The following IGLON5 variants were observed in gnomAD, a reference collection of about 807,000 sequenced individuals.
IGLON5 encodes Ig-like domain-containing protein ENSP00000270642.
In IGLON5, 16 loss-of-function variants were observed where a neutral mutation model predicts 38.2. That is an observed-to-expected ratio of 0.42 (90% CI 0.28 to 0.64). IGLON5 has a LOEUF of 0.64. Among genes scored for constraint, IGLON5 ranks in the 30% least tolerant of loss-of-function variants. IGLON5 has a pLI of 0.23. For synonymous variants in IGLON5, 207 were observed against 216.4 expected (o/e 0.96, Z 0.38); for missense variants, 366 against 483.4 (o/e 0.76, Z 2.28).
chr19:51,325,552 C>T lies in IGLON5; in HGVS notation c.511+87C>T. On this transcript the variant is annotated intron_variant, in intron 4 of 7. Transcript: ENST00000270642. This position sits in a 1 kb window ranked among gnomAD's most constrained non-coding sequence, Gnocchi z 5.5. The stretch of plus-strand genomic sequence containing the variant: ...TCCCCATATCCCTAGCTAGTTTCCC[C>T]AGCCCCCTTCTCCCTGGCCCCTTGG... 2.9e-6 allele frequency: 4 copies of T among 1,380,526 alleles called. No individual in the cohort carries two copies. In the East Asian group the frequency reaches 7.7e-5, roughly 27 times the overall value. 85.5% of individuals were successfully genotyped at this position (1,380,526 alleles called of 1,614,324 possible).
intron 1 of IGLON5, among the ~76,000 whole-genome samples, chr19:51,315,376 G>A (rs1568457121): frequency 6.6e-6 from 1 of 152,144 alleles, no homozygotes; most frequent in Non-Finnish European, 1.5e-5. Flanking sequence ...TGTGGGCTGT[G>A]CTTGGTTGTT....
intron 1 of IGLON5, among the ~76,000 whole-genome samples, chr19:51,312,465 T>C (rs897690519): frequency 6.6e-6 from 1 of 151,916 alleles, no homozygotes; most frequent in Non-Finnish European, 1.5e-5. Context: ...GACAAGGGTG[T>C]CCACAGACCT....
chr19:51,321,591 G>C (rs969398979), intron 1 of IGLON5, among the ~76,000 whole-genome samples: 4 of 152,180 alleles, frequency 2.6e-5, no homozygotes, highest in African/African-American at 9.7e-5. Context: ...ATATGTGTCT[G>C]TGTGTATGTC....
intron 5 of IGLON5, 54 bp downstream of exon 5, chr19:51,326,952 G>A: frequency 6.4e-7 from 1 of 1,573,384 alleles, no homozygotes; most frequent in South Asian, 1.2e-5. Flanking sequence ...GAGTCCCTGG[G>A]GAGGAGGGAT....
At chr19:51,326,992 T>TA in intron 5 of IGLON5, 88 bp from the exon 6 acceptor site, 1 of 1,586,304 alleles carries the variant, frequency 6.3e-7, no homozygotes, top group South Asian at 1.1e-5. Flanking sequence ...GGGCGAGACT[T>TA]ACGGGCCTGA....
chr19:51,327,027 C>T lies in IGLON5; in HGVS notation c.647-53C>T, dbSNP rs1985234272. 1.9e-6 allele frequency: 3 copies of T among 1,598,354 alleles called. No homozygotes were observed. In the African/African-American group the frequency reaches 4.0e-5, roughly 21 times the overall value. Reference sequence around the variant, plus strand: ...AGGGAGGCGGGGGCTGGGGGCGGGACCCCTTCGTCCCCACGCGGCTAGGAG... The same window carrying T: ...AGGGAGGCGGGGGCTGGGGGCGGGATCCCTTCGTCCCCACGCGGCTAGGAG... On this transcript the variant is annotated intron_variant, in intron 5 of 7. Coordinates refer to ENST00000270642, the MANE Select transcript of IGLON5 (RefSeq NM_001101372.3). This position sits in a 1 kb window ranked among gnomAD's most constrained non-coding sequence, Gnocchi z 7.1.
rs1259782038 is a variant in IGLON5, at chr19:51,313,012, C to A, written c.79+1086C>A. ...AGGCCCTCCCCTGAACAAAGAGTTC[C>A]AGGGACAACCAAGAACCCCGACAGA... is the stretch of plus-strand genomic sequence containing the variant. On this transcript the variant is annotated intron_variant, in intron 1 of 7. Coordinates refer to ENST00000270642, the MANE Select transcript of IGLON5 (RefSeq NM_001101372.3). 2.0e-5 allele frequency among the ~76,000 whole-genome samples: 3 copies of A among 152,188 alleles called. No individual in the cohort carries two copies. In the East Asian group the frequency reaches 5.8e-4, roughly 29 times the overall value.
intron 1 of IGLON5, among the ~76,000 whole-genome samples, chr19:51,318,106 T>A (rs900228546): frequency 4.6e-5 from 7 of 151,948 alleles, no homozygotes; most frequent in Non-Finnish European, 1.0e-4. Context: ...GAAGAAGGAG[T>A]GGGAGCTCTG....
At chr19:51,321,513 ATG>A (rs139853438) in intron 1 of IGLON5, among the ~76,000 whole-genome samples, 1,922 of 152,072 alleles carry the variant, frequency 0.013, 34 homozygotes, top group African/African-American at 0.044. Context: ...TCATATTGGT[ATG>A]TGTGTCGCTG....
Position 51,327,515 on chromosome 19 carries a change from G to A in IGLON5, c.768-217G>A, listed in dbSNP as rs2123536378. ...TCAGGAGTCCCTAACGACTAGGGGT[G>A]CACTACGGGAGAGTCCAGAGTCCTG... is the stretch of plus-strand genomic sequence containing the variant. On this transcript the variant is annotated intron_variant, in intron 6 of 7. Transcript: ENST00000270642. This position sits in a 1 kb window ranked among gnomAD's most constrained non-coding sequence, Gnocchi z 7.1. Among the ~76,000 whole-genome samples, 1 of 152,300 alleles carries A rather than the reference G, an allele frequency of 6.6e-6. No individual in the cohort carries two copies. The highest frequency in any genetic ancestry group is 2.1e-4 in the South Asian group (1 of 4,828).
rs1340346934 is a variant in IGLON5 at position 51,325,034 on chromosome 19, G to T, written c.392-312G>T. Among the ~76,000 whole-genome samples the T allele has an allele frequency of 6.6e-6, 1 of 152,078 alleles. No individual in the cohort carries two copies. Among genetic ancestry groups the T allele is most frequent in the Non-Finnish European group, 1.5e-5 (1 of 68,044 alleles). ...GATGGAGAAACCAAGTTAGGATGAAGGTGGAGAGAGAATAGAGACAAGACC... is the reference window on the plus strand; with the variant it reads ...GATGGAGAAACCAAGTTAGGATGAATGTGGAGAGAGAATAGAGACAAGACC... On this transcript the variant is annotated intron_variant, in intron 3 of 7. Transcript: ENST00000270642. The surrounding 1 kb of genome is among the most constrained non-coding windows in gnomAD (Gnocchi z 5.5).
At position 51,324,273 on chromosome 19, in the gene IGLON5, C is replaced by T. The variant is rs1048370862; in HGVS notation, c.391+379C>T. Reference sequence around the variant, plus strand: ...CTCAGAGAGGACTTCCCAGACGTGACGTCTGAGCTGACGCCTTTGGCTGGG... The same window carrying T: ...CTCAGAGAGGACTTCCCAGACGTGATGTCTGAGCTGACGCCTTTGGCTGGG... On this transcript the variant is annotated intron_variant, in intron 3 of 7. Coordinates refer to ENST00000270642, the MANE Select transcript of IGLON5 (RefSeq NM_001101372.3). The surrounding 1 kb of genome is among the most constrained non-coding windows in gnomAD (Gnocchi z 4.2). 7.9e-5 allele frequency among the ~76,000 whole-genome samples: 12 copies of T among 152,284 alleles called. No homozygotes were observed. Among genetic ancestry groups the T allele is most frequent in the Admixed American group, 3.3e-4 (5 of 15,300 alleles).
chr19:51,313,752 T>C (rs1404275390), intron 1 of IGLON5, among the ~76,000 whole-genome samples: 3 of 151,154 alleles, frequency 2.0e-5, no homozygotes, highest in Non-Finnish European at 4.4e-5. Context: ...GGGTCTGACT[T>C]TCTCACCTAG....
At chr19:51,326,377 C>T (rs774217567) in intron 4 of IGLON5, among the ~76,000 whole-genome samples, 2 of 152,214 alleles carry the variant, frequency 1.3e-5, no homozygotes, top group Admixed American at 1.3e-4. Flanking sequence ...GATCCCAGAA[C>T]GAGGGACCCT....
In IGLON5 at chr19:51,327,189, G is replaced by A. The variant is rs758325654; in HGVS notation, c.756G>A (p.Lys252=). 2 of 1,611,934 alleles carry A rather than the reference G, an allele frequency of 1.2e-6. No homozygotes were observed. Among genetic ancestry groups the A allele is most frequent in the South Asian group, 2.2e-5 (2 of 91,038 alleles). Residue 252 remains lysine (K), a synonymous_variant, in exon 6 of 8, where the codon AAG becomes AAA. Coordinates refer to ENST00000270642, the MANE Select transcript of IGLON5 (RefSeq NM_001101372.3). The surrounding 1 kb of genome is among the most constrained non-coding windows in gnomAD (Gnocchi z 7.1). ...CCCCCGCGGATTTCCAGTGGTACAA[G>A]GATGACAGACTGTGAGGACAGCACT... ...AVPPADFQWY[K]DDRLLSSGTA...
At chr19:51,314,452 G>A (rs1984864002) in intron 1 of IGLON5, among the ~76,000 whole-genome samples, 1 of 152,192 alleles carries the variant, frequency 6.6e-6, no homozygotes, top group Non-Finnish European at 1.5e-5. Context: ...CCAAAGTGCT[G>A]GGATTACAGG....
chr19:51,311,969 G>A, intron 1 of IGLON5, 43 bp downstream of exon 1: 1 of 1,117,188 alleles, frequency 9.0e-7, no homozygotes, highest in Non-Finnish European at 1.2e-6. Flanking sequence ...GGGACGCCAG[G>A]GTCTTGGGTG....
At position 51,327,947 on chromosome 19, in the gene IGLON5, A is replaced by G. The variant is rs1419029374; in HGVS notation, c.922+61A>G. ...GCGGGGCCGGGGGCGGGGCTAGGGA[A>G]GTGGAGACGCCGGGACCGCCCTTCA... On this transcript the variant is annotated intron_variant, in intron 7 of 7. Transcript: ENST00000270642. This position sits in a 1 kb window ranked among gnomAD's most constrained non-coding sequence, Gnocchi z 7.1. The G allele has an allele frequency of 2.1e-6, 3 of 1,434,116 alleles. No individual in the cohort carries two copies. The highest frequency in any genetic ancestry group is 2.6e-4 in the Middle Eastern group (1 of 3,904). 88.8% of individuals were successfully genotyped at this position (1,434,116 alleles called of 1,614,324 possible). A position where few individuals can be genotyped will look rare whatever the true frequency, so the allele number is the denominator to read the frequency against.
intron 2 of IGLON5, 125 bp from the exon 3 acceptor site, chr19:51,323,537 C>A: frequency 1.3e-6 from 1 of 752,460 alleles, no homozygotes; most frequent in Non-Finnish European, 2.2e-6. Flanking sequence ...ACAGCAGCAT[C>A]CGCCTCACAG....
Sources: gnomAD v4.1 joint callset for allele counts (sites outside exome capture counted in the v4.1 genomes callset) on GRCh38, gnomAD v4.1.1 for gene constraint, Gnocchi (gnomAD v3.1) non-coding constraint, MANE v1.5 for transcripts, NCBI Gene and HGNC (gene_info 2026-07-23, HGNC 2026-07-21) for gene names.